The following DLGAP2 variants were observed in gnomAD, a reference collection of about 807,000 sequenced individuals.
The protein encoded by DLGAP2 is disks large-associated protein 2.
DLGAP2 carries 26 observed loss-of-function variants against 100.3 expected under a neutral mutation model. The observed-to-expected ratio is 0.26, with a 90% CI of 0.19 to 0.36. The LOEUF is 0.36. DLGAP2 is among the 10% of genes least tolerant of loss of function. The probability of loss-of-function intolerance (pLI) is 1.00; values close to 1 mark genes in which losing one functional copy is unlikely to be tolerated. For synonymous variants in DLGAP2, 886 were observed against 630.1 expected (o/e 1.41, Z -6.08); for missense variants, 1,858 against 1,453.2 (o/e 1.28, Z -4.53).
intron 8 of DLGAP2, among the ~76,000 whole-genome samples, chr8:1,652,524 C>G (rs17064170): frequency 0.019 from 2,863 of 152,254 alleles, 101 homozygotes; most frequent in African/African-American, 0.064. Flanking sequence ...GCAACTAACC[C>G]TGGTCTTGTG....
intron 2 of DLGAP2, among the ~76,000 whole-genome samples, chr8:1,113,909 G>T (rs1289865340): frequency 6.6e-6 from 1 of 152,162 alleles, no homozygotes; most frequent in Non-Finnish European, 1.5e-5. Flanking sequence ...AACATGAAGA[G>T]GTATTGGATT....
intron 6 of DLGAP2, among the ~76,000 whole-genome samples, chr8:1,614,656 C>A (rs1326671668): frequency 3.3e-5 from 5 of 152,246 alleles, no homozygotes; most frequent in Non-Finnish European, 5.9e-5. Flanking sequence ...CTCCCCAAAC[C>A]AACAACTACA....
chr8:836,464 G>T (rs1454375382), intron 1 of DLGAP2, among the ~76,000 whole-genome samples: 1 of 152,182 alleles, frequency 6.6e-6, no homozygotes, highest in Non-Finnish European at 1.5e-5. Flanking sequence ...GATGGGGTCC[G>T]AGGGCTCCTG....
chr8:983,931 T>C (rs1466074151), intron 2 of DLGAP2, among the ~76,000 whole-genome samples: 1 of 152,200 alleles, frequency 6.6e-6, no homozygotes. Context: ...TGAGCCACTG[T>C]GCCTGACTGA....
chr8:972,377 A>G (rs1379300611), intron 2 of DLGAP2, among the ~76,000 whole-genome samples: 1 of 152,218 alleles, frequency 6.6e-6, no homozygotes, highest in Non-Finnish European at 1.5e-5. Context: ...TAAGGGTTCT[A>G]ATGGAAAAAA....
intron 3 of DLGAP2, among the ~76,000 whole-genome samples, chr8:1,337,426 G>GTGA (rs1189501545): frequency 3.8e-5 from 1 of 26,188 alleles, no homozygotes. Flanking sequence ...GAGGATGATG[G>GTGA]TGATGGTGAT....
rs1799606811 is a variant in DLGAP2, at chr8:1,702,655, TG to T, written c.*1250del. On this transcript the variant is annotated 3_prime_UTR_variant, in exon 15 of 15. Coordinates refer to ENST00000637795, the MANE Select transcript of DLGAP2 (RefSeq NM_001346810.2). ...TTGGTGTTCATGACTCTGTGGTCGGTGCCAGAGGAAAATAGGAACGACTCTA... is the reference window on the plus strand; with the variant it reads ...TTGGTGTTCATGACTCTGTGGTCGGTCCAGAGGAAAATAGGAACGACTCTA... The T allele has an allele frequency of 6.6e-6, 1 of 152,166 alleles. No individual in the cohort carries two copies. The highest frequency in any genetic ancestry group is 1.5e-5 in the Non-Finnish European group (1 of 68,006). The allele number at this position is 152,166 out of a possible 1,614,324, so 9.4% of individuals were successfully genotyped here. A position where few individuals can be genotyped will look rare whatever the true frequency, so the allele number is the denominator to read the frequency against.
intron 4 of DLGAP2, among the ~76,000 whole-genome samples, chr8:1,530,759 G>C (rs996687383): frequency 1.3e-5 from 2 of 152,172 alleles, no homozygotes; most frequent in East Asian, 1.9e-4. Flanking sequence ...CAGTCCCTCC[G>C]TCTGGGGTCC....
At chr8:1,121,419 A>G (rs564816614) in intron 2 of DLGAP2, among the ~76,000 whole-genome samples, 1 of 150,336 alleles carries the variant, frequency 6.7e-6, no homozygotes, top group Admixed American at 6.6e-5. Flanking sequence ...TCCCTTCAGA[A>G]CCCCTGACCA....
At chr8:1,168,271 C>T (rs1400031160) in intron 2 of DLGAP2, among the ~76,000 whole-genome samples, 2 of 151,774 alleles carry the variant, frequency 1.3e-5, no homozygotes, top group East Asian at 1.9e-4. Flanking sequence ...TTTCTTAATC[C>T]AGTCTATCAT....
At position 1,497,806 on chromosome 8, in the gene DLGAP2, C is replaced by G. The variant is rs1799593820; in HGVS notation, c.107-3560C>G. ...AAGACCCCTAGCAGATGCCTGAAAC[C>G]TCAGCCAGTACCAACACTTGTAGGT... is the stretch of plus-strand genomic sequence containing the variant. On this transcript the variant is annotated intron_variant, in intron 3 of 14. Transcript: ENST00000637795. 2.0e-5 allele frequency among the ~76,000 whole-genome samples: 3 copies of G among 152,302 alleles called. No homozygotes were observed. The South Asian group carries it at 6.2e-4, about 32-fold the overall frequency.
intron 4 of DLGAP2, among the ~76,000 whole-genome samples, chr8:1,501,930 A>C (rs904922927): frequency 1.3e-5 from 2 of 152,170 alleles, no homozygotes; most frequent in African/African-American, 4.8e-5. Flanking sequence ...GGTTCAAATC[A>C]CGTGGAAATT....
rs142626887 is a variant in DLGAP2, at chr8:1,419,322, C to CGTGT, written c.107-82017_107-82014dup. Among the ~76,000 whole-genome samples the CGTGT allele has an allele frequency of 3.1e-4, 17 of 54,646 alleles. 1 individual carries two copies. Among genetic ancestry groups the CGTGT allele is most frequent in the South Asian group, 2.0e-3 (2 of 1,002 alleles). The allele number at this position is 54,646 out of a possible 152,430, so 35.8% of individuals were successfully genotyped here. ...TGGGATACTATGTTACACTCTGATA[C>CGTGT]GTGTGTGTGTGTGTGTGTGTGTGTG... On this transcript the variant is annotated intron_variant, in intron 3 of 14. Transcript: ENST00000637795.
At chr8:1,591,769 C>T (rs1257918536) in intron 6 of DLGAP2, among the ~76,000 whole-genome samples, 1 of 152,202 alleles carries the variant, frequency 6.6e-6, no homozygotes, top group Non-Finnish European at 1.5e-5. Flanking sequence ...GGATCTCCAG[C>T]GGGAGGCCCT....
At chr8:815,552 A>T (rs141089068) in intron 1 of DLGAP2, among the ~76,000 whole-genome samples, 1 of 152,352 alleles carries the variant, frequency 6.6e-6, no homozygotes, top group East Asian at 1.9e-4. Context: ...CAATATTCTG[A>T]TGTATCTCTG....
At chr8:1,387,485 C>A (rs1480053361) in intron 3 of DLGAP2, among the ~76,000 whole-genome samples, 1 of 152,080 alleles carries the variant, frequency 6.6e-6, no homozygotes, top group African/African-American at 2.4e-5. Flanking sequence ...GGCTGAGGGG[C>A]AGTTTGCAGA....
At chr8:1,469,472 C>T (rs899306630) in intron 3 of DLGAP2, among the ~76,000 whole-genome samples, 3 of 152,226 alleles carry the variant, frequency 2.0e-5, no homozygotes, top group Admixed American at 1.3e-4. Context: ...ATTTCCTGTG[C>T]AGGAGAGGTT....
At chr8:1,025,079 T>C (rs988186580) in intron 2 of DLGAP2, among the ~76,000 whole-genome samples, 4 of 151,984 alleles carry the variant, frequency 2.6e-5, no homozygotes, top group East Asian at 3.9e-4. Context: ...TGTGCATGTG[T>C]GTGTGCGCGT....
chr8:1,255,027 T>C (rs12542801), intron 2 of DLGAP2, among the ~76,000 whole-genome samples: 936 of 50,770 alleles, frequency 0.018, 41 homozygotes, highest in African/African-American at 0.03. Flanking sequence ...TGTGTGTGTC[T>C]TCTCCTGCCC....
Sources: gnomAD v4.1 joint callset for allele counts (sites outside exome capture counted in the v4.1 genomes callset) on GRCh38, gnomAD v4.1.1 for gene constraint, MANE v1.5 for transcripts, NCBI Gene and HGNC (gene_info 2026-07-23, HGNC 2026-07-21) for gene names.